The following NR1H4 variants were observed in gnomAD, a reference collection of about 807,000 sequenced individuals.
NR1H4 encodes bile acid receptor.
In NR1H4, 23 loss-of-function variants were observed where a neutral mutation model predicts 58.5. The observed-to-expected ratio is 0.39, with a 90% confidence interval of 0.28 to 0.56. The LOEUF (loss-of-function observed/expected upper bound fraction) is 0.56. NR1H4 is among the 20% of genes least tolerant of loss of function. The pLI, the probability that NR1H4 is intolerant of heterozygous loss-of-function variation, is 0.58. For missense variants in NR1H4, 487 were observed against 576.9 expected (o/e 0.84, Z 1.60); for synonymous variants, 214 against 198.0 (o/e 1.08, Z -0.68).
intron 9 of NR1H4, among the ~76,000 whole-genome samples, chr12:100,559,796 C>T (rs1955423466): frequency 6.6e-6 from 1 of 152,262 alleles, no homozygotes; most frequent in Admixed American, 6.5e-5. Context: ...CAGACAGCTC[C>T]ACCTGCAGCC....
chr12:100,560,822 G>A (rs948743256), intron 9 of NR1H4, among the ~76,000 whole-genome samples: 4 of 152,140 alleles, frequency 2.6e-5, no homozygotes, highest in Non-Finnish European at 5.9e-5. Flanking sequence ...AATGCCAGGT[G>A]CAATAAAGAG....
At chr12:100,534,765 C>CTAGCGTTAG in intron 5 of NR1H4, 125 bp from the exon 6 acceptor site, 1 of 1,065,260 alleles carries the variant, frequency 9.4e-7, no homozygotes, top group Non-Finnish European at 1.4e-6. Context: ...GCATAAAAGG[C>CTAGCGTTAG]TAGCGTTAGT....
chr12:100,517,032 T>C (rs929601108), intron 4 of NR1H4, among the ~76,000 whole-genome samples: 1 of 151,998 alleles, frequency 6.6e-6, no homozygotes, highest in Non-Finnish European at 1.5e-5. Flanking sequence ...TTCTTCATTA[T>C]GAGAATATTA....
chr12:100,540,239 G>T lies in NR1H4; in HGVS notation c.932-433G>T, dbSNP rs536756002. ...TGGCTGTTTTTGGGAAATACTACCC[G>T]TTCTTTAGCTTGACTAAAGACTCAT... On this transcript the variant is annotated intron_variant, in intron 8 of 10. Transcript: ENST00000392986. Among the ~76,000 whole-genome samples, 5 of 152,210 alleles carry T rather than the reference G, an allele frequency of 3.3e-5. No homozygotes were observed. In the East Asian group the frequency reaches 9.7e-4, roughly 29 times the overall value.
intron 9 of NR1H4, among the ~76,000 whole-genome samples, chr12:100,547,565 G>A (rs965613435): frequency 6.6e-6 from 1 of 152,108 alleles, no homozygotes; most frequent in Non-Finnish European, 1.5e-5. Context: ...GGTTCTAGCC[G>A]TGAAGACACA....
At chr12:100,495,948 CT>C (rs1282266187) in intron 3 of NR1H4, among the ~76,000 whole-genome samples, 1 of 152,268 alleles carries the variant, frequency 6.6e-6, no homozygotes, top group East Asian at 1.9e-4. Flanking sequence ...ACTCCTGAGT[CT>C]AAGCTACGCC....
At chr12:100,544,051 G>T (rs1955000699) in intron 9 of NR1H4, among the ~76,000 whole-genome samples, 1 of 152,068 alleles carries the variant, frequency 6.6e-6, no homozygotes, top group Non-Finnish European at 1.5e-5. Flanking sequence ...AGGAGATCGA[G>T]ACCATCCTGG....
intron 4 of NR1H4, among the ~76,000 whole-genome samples, chr12:100,515,880 C>T (rs1593079721): frequency 6.6e-6 from 1 of 152,164 alleles, no homozygotes; most frequent in South Asian, 2.1e-4. Flanking sequence ...TAGACCAGTG[C>T]TACTCAAAGC....
chr12:100,504,714 A>G (rs1404365771), intron 3 of NR1H4, among the ~76,000 whole-genome samples: 1 of 152,232 alleles, frequency 6.6e-6, no homozygotes, highest in African/African-American at 2.4e-5. Flanking sequence ...AGAAGCTTAA[A>G]GAAGTTCCAT....
intron 3 of NR1H4, among the ~76,000 whole-genome samples, chr12:100,507,204 G>A (rs1226756682): frequency 6.6e-6 from 1 of 152,054 alleles, no homozygotes; most frequent in Non-Finnish European, 1.5e-5. Flanking sequence ...ATAGGTTAGA[G>A]GATAAAATCT....
intron 9 of NR1H4, among the ~76,000 whole-genome samples, chr12:100,557,388 G>A (rs1013318417): frequency 6.6e-6 from 1 of 152,148 alleles, no homozygotes; most frequent in Non-Finnish European, 1.5e-5. Flanking sequence ...TTCATGAGGG[G>A]TCTACCCCAA....
chr12:100,504,750 C>T (rs775354909), intron 3 of NR1H4, among the ~76,000 whole-genome samples: 58 of 152,300 alleles, frequency 3.8e-4, no homozygotes, highest in Admixed American at 1.4e-3. Flanking sequence ...ATATACCTAA[C>T]AAGTTGTGGG....
intron 4 of NR1H4, among the ~76,000 whole-genome samples, chr12:100,528,434 A>G (rs1954615074): frequency 6.6e-6 from 1 of 151,852 alleles, no homozygotes; most frequent in African/African-American, 2.4e-5. Context: ...GAATCCATGT[A>G]AAAGTACCAT....
At chr12:100,552,543 C>T (rs1955226219) in intron 9 of NR1H4, among the ~76,000 whole-genome samples, 1 of 152,158 alleles carries the variant, frequency 6.6e-6, no homozygotes. Flanking sequence ...ACTACGAAAA[C>T]ATACTACTGC....
In NR1H4 at chr12:100,510,539, C is replaced by A. The variant is rs949842729; in HGVS notation, c.80-239C>A. ...TATTGGTTTTCAGGAGCTCTTTATACATTAATGAGATGAGTCTGTCCTCTA... is the reference window on the plus strand; with the variant it reads ...TATTGGTTTTCAGGAGCTCTTTATAAATTAATGAGATGAGTCTGTCCTCTA... On this transcript the variant is annotated intron_variant, in intron 3 of 10. Transcript: ENST00000392986. Among the ~76,000 whole-genome samples, 3 of 149,478 alleles carry A rather than the reference C, an allele frequency of 2.0e-5. No individual in the cohort carries two copies. The Admixed American group carries it at 2.0e-4, about 10-fold the overall frequency.
At chr12:100,479,198 C>G (rs7311127) in intron 1 of NR1H4, among the ~76,000 whole-genome samples, 1 of 151,872 alleles carries the variant, frequency 6.6e-6, no homozygotes, top group East Asian at 1.9e-4. Flanking sequence ...GTTTGTGATG[C>G]CTTAACCTCT....
intron 1 of NR1H4, among the ~76,000 whole-genome samples, chr12:100,487,308 C>G (rs1953512614): frequency 6.6e-6 from 1 of 152,094 alleles, no homozygotes; most frequent in South Asian, 2.1e-4. Flanking sequence ...CTGCAATGAC[C>G]CTTTTATTTT....
intron 1 of NR1H4, among the ~76,000 whole-genome samples, chr12:100,478,939 A>C (rs1291178717): frequency 6.6e-6 from 1 of 152,204 alleles, no homozygotes; most frequent in Non-Finnish European, 1.5e-5. Flanking sequence ...TCATAGGTGA[A>C]AATGGTATTT....
chr12:100,540,562 T>C (rs746796460), intron 8 of NR1H4, 110 bp from the exon 9 acceptor site: 276 of 1,274,946 alleles, frequency 2.2e-4, no homozygotes, highest in Non-Finnish European at 3.0e-4. Flanking sequence ...GACTACCCAA[T>C]TTTAAACAAC....
Sources: allele counts gnomAD v4.1 joint callset (sites outside exome capture counted in the v4.1 genomes callset), GRCh38; gene constraint gnomAD v4.1.1; transcripts MANE v1.5; gene names NCBI Gene and HGNC (gene_info 2026-07-23, HGNC 2026-07-21).